The following RORC variants were observed in gnomAD, a reference collection of about 807,000 sequenced individuals.
RORC encodes the protein nuclear receptor ROR-gamma.
In RORC, 13 loss-of-function variants were observed where a neutral mutation model predicts 64.5. That is an observed-to-expected ratio of 0.20 (90% CI 0.13 to 0.32). The LOEUF (loss-of-function observed/expected upper bound fraction) is 0.32, where lower values mean the gene tolerates loss of function less well. RORC is among the 10% of genes least tolerant of loss of function. The probability of loss-of-function intolerance (pLI) is 1.00; values close to 1 mark genes in which losing one functional copy is unlikely to be tolerated. For missense variants in RORC, 468 were observed against 669.5 expected (o/e 0.70, Z 3.32); for synonymous variants, 277 against 259.3 (o/e 1.07, Z -0.65).
intron 6 of RORC, chr1:151,813,876 C>A: frequency 2.1e-6 from 1 of 482,436 alleles, no homozygotes; most frequent in Non-Finnish European, 3.8e-6. Flanking sequence ...TACAGCTTTG[C>A]CCTCCAACAA....
chr1:151,816,778 T>G lies in RORC; in HGVS notation c.184A>C (p.Asn62His), dbSNP rs1651769581. Residue 62 changes from asparagine to histidine, a missense_variant, in exon 4 of 11, where the codon AAC becomes CAC. Around this residue, in one of 5 missense-constraint regions of RORC, gnomAD observed 241 missense variants for 295.5 expected, o/e 0.82. Coordinates refer to ENST00000318247, the MANE Select transcript of RORC (RefSeq NM_005060.4). ...TGACGGGTGCAGGAGTAGGCCGCGT[T>G]ACAGCGCTGGCTCCGGCGGAAGAAG... ...KGFFRRSQRC[N>H]AAYSCTRQQN... The G allele has an allele frequency of 6.4e-7, 1 of 1,564,580 alleles. No individual in the cohort carries two copies. The highest frequency in any genetic ancestry group is 8.7e-7 in the Non-Finnish European group (1 of 1,150,972).
Position 151,812,310 on chromosome 1 carries a change from C to T in RORC, c.1285+637G>A, listed in dbSNP as rs535574575. On this transcript the variant is annotated intron_variant, in intron 9 of 10. Coordinates refer to ENST00000318247, the MANE Select transcript of RORC (RefSeq NM_005060.4). ...ATACTTTGAATACCCATGCAACCAT[C>T]CTGCTGTTCACTTTTAGAACCATAT... is the stretch of plus-strand genomic sequence containing the variant. 2.0e-5 allele frequency: 3 copies of T among 152,332 alleles called. No homozygotes were observed. In the South Asian group the frequency reaches 6.2e-4, roughly 32 times the overall value. The allele number at this position is 152,332 out of a possible 1,614,324, so 9.4% of individuals were successfully genotyped here. A position where few individuals can be genotyped will look rare whatever the true frequency, so the allele number is the denominator to read the frequency against.
At chr1:151,810,741 C>G (rs993227000) in intron 10 of RORC, among the ~76,000 whole-genome samples, 2 of 152,164 alleles carry the variant, frequency 1.3e-5, no homozygotes, top group African/African-American at 4.8e-5. Flanking sequence ...CCATGTTAGT[C>G]AGGCTGGTCT....
intron 10 of RORC, among the ~76,000 whole-genome samples, chr1:151,810,533 A>ATTTTTT (rs5777785): frequency 4.2e-5 from 6 of 142,078 alleles, no homozygotes; most frequent in African/African-American, 5.2e-5. Flanking sequence ...CTACAAGGAG[A>ATTTTTT]TTTTTTTTTT....
intron 2 of RORC, among the ~76,000 whole-genome samples, chr1:151,817,990 CT>C (rs1255364595): frequency 6.6e-6 from 1 of 152,240 alleles, no homozygotes; most frequent in East Asian, 1.9e-4. Context: ...AGTGTGAACA[CT>C]TATGTTTGTA....
At chr1:151,813,933 C>G (rs1651642150) in intron 6 of RORC, 1 of 296,620 alleles carries the variant, frequency 3.4e-6, no homozygotes, top group East Asian at 6.7e-5. Flanking sequence ...CCCCTTCCCC[C>G]ACAAAGGTTA....
chr1:151,830,823 T>G lies in RORC; in HGVS notation c.40+902A>C. On this transcript the variant is annotated intron_variant, in intron 1 of 10. Transcript: ENST00000318247. The surrounding 1 kb of genome is among the most constrained non-coding windows in gnomAD (Gnocchi z 4.0). ...CCCAGCCCCGCCCACCTCCCCTTGC[T>G]CCTGCCTGGCCCCACCCAGCTTCCT... 5.4e-6 allele frequency: 2 copies of G among 371,206 alleles called. No individual in the cohort carries two copies. The highest frequency in any genetic ancestry group is 9.3e-6 in the Non-Finnish European group (2 of 214,404). 23.0% of individuals were successfully genotyped at this position (371,206 alleles called of 1,614,324 possible).
intron 5 of RORC, 81 bp from the exon 6 acceptor site, chr1:151,814,776 C>A: frequency 6.4e-7 from 1 of 1,553,972 alleles, no homozygotes; most frequent in Non-Finnish European, 8.7e-7. Context: ...TCAGCCTGGC[C>A]TATCCTGCTC....
At chr1:151,812,809 G>T in intron 9 of RORC, 138 bp downstream of exon 9, 1 of 592,316 alleles carries the variant, frequency 1.7e-6, no homozygotes, top group South Asian at 2.1e-5. Flanking sequence ...TTATTTTATA[G>T]CAATACTGAG....
intron 10 of RORC, among the ~76,000 whole-genome samples, chr1:151,811,103 C>G (rs1283340674): frequency 6.6e-6 from 1 of 152,146 alleles, no homozygotes; most frequent in Non-Finnish European, 1.5e-5. Flanking sequence ...GAATTGTTCC[C>G]TGGAGGTCCC....
At position 151,815,255 on chromosome 1, in the gene RORC, G is replaced by T. The variant is rs1651713678; in HGVS notation, c.469C>A (p.Gln157Lys). 3 of 1,609,966 alleles carry T rather than the reference G, an allele frequency of 1.9e-6. No individual in the cohort carries two copies. The highest frequency in any genetic ancestry group is 2.5e-6 in the Non-Finnish European group (3 of 1,177,156). ...LTYTLGLPDG[Q>K]LPLGSSPDLP... ...TCAGGCGAGGAGCCCAGGGGCAGCT[G>T]CCCGTCTGGGAGCCCCAAGGTGTAG... Residue 157 changes from glutamine (Q) to lysine (K), a missense_variant, in exon 5 of 11, where the codon CAG becomes AAG. Transcript: ENST00000318247.
Position 151,829,460 on chromosome 1 carries a change from T to C in RORC, c.41-2A>G. 1 of 1,530,636 alleles carries C rather than the reference T, an allele frequency of 6.5e-7. No homozygotes were observed. The highest frequency in any genetic ancestry group is 1.3e-5 in the South Asian group (1 of 77,890). The allele number at this position is 1,530,636 out of a possible 1,614,324, so 94.8% of individuals were successfully genotyped here. On this transcript the variant is annotated splice_acceptor_variant, in intron 1 of 10. Coordinates refer to ENST00000318247, the MANE Select transcript of RORC (RefSeq NM_005060.4). LOFTEE classifies it high-confidence loss of function. Reference sequence around the variant, plus strand: ...GGGTCTTCTTTGCAGCCAGCAGCTCTGTAAAGACAAGAGAGGGGGTTGACG... The same window carrying C: ...GGGTCTTCTTTGCAGCCAGCAGCTCCGTAAAGACAAGAGAGGGGGTTGACG...
At chr1:151,809,686 TCTC>T (rs796594049) in intron 10 of RORC, among the ~76,000 whole-genome samples, 5 of 152,332 alleles carry the variant, frequency 3.3e-5, no homozygotes, top group African/African-American at 1.2e-4. Flanking sequence ...GATTCCTGTC[TCTC>T]CTCCTTCAAA....
At chr1:151,829,524 C>T (rs1652328355) in intron 1 of RORC, 66 bp from the exon 2 acceptor site, 1 of 1,385,790 alleles carries the variant, frequency 7.2e-7, no homozygotes. Flanking sequence ...GACACTTTCC[C>T]CACTCCTAGG....
At chr1:151,827,169 C>T (rs1041558078) in intron 2 of RORC, among the ~76,000 whole-genome samples, 6 of 152,130 alleles carry the variant, frequency 3.9e-5, no homozygotes, top group African/African-American at 9.7e-5. Flanking sequence ...ATCCTCATTT[C>T]GAGGAGGAAA....
rs779639905 is a variant in RORC at position 151,812,903 on chromosome 1, C to T, written c.1285+44G>A. On this transcript the variant is annotated intron_variant, in intron 9 of 10. Transcript: ENST00000318247. ...GACTCTTCTTCAATATCTGCCATGCCCCTGCCACCTGAATGTCCTTCACCC... is the reference window on the plus strand; with the variant it reads ...GACTCTTCTTCAATATCTGCCATGCTCCTGCCACCTGAATGTCCTTCACCC... The T allele has an allele frequency of 3.9e-6, 5 of 1,274,700 alleles. No homozygotes were observed. The Admixed American group carries it at 5.2e-5, about 13-fold the overall frequency. 79.0% of individuals were successfully genotyped at this position (1,274,700 alleles called of 1,614,324 possible).
intron 2 of RORC, chr1:151,825,954 G>T (rs762870971): frequency 1.5e-5 from 25 of 1,613,004 alleles, no homozygotes; most frequent in Admixed American, 8.3e-5. Flanking sequence ...CCTTGGCTCT[G>T]CCGGCCTTGG....
Position 151,807,987 on chromosome 1 carries a change from A to C in RORC, c.1396-354T>G, listed in dbSNP as rs893169564. On this transcript the variant is annotated intron_variant, in intron 10 of 10. Transcript: ENST00000318247. The surrounding 1 kb of genome is among the most constrained non-coding windows in gnomAD (Gnocchi z 5.0). ...CTGTCACATGCCTCTGCCTTTGTGC[A>C]TGTTGTTCCCCTCTTCCCATTACTA... is the stretch of plus-strand genomic sequence containing the variant. Among the ~76,000 whole-genome samples the C allele has an allele frequency of 6.6e-6, 1 of 152,122 alleles. No homozygotes were observed. The highest frequency in any genetic ancestry group is 6.5e-5 in the Admixed American group (1 of 15,276).
chr1:151,823,844 T>G (rs7551161), intron 2 of RORC, among the ~76,000 whole-genome samples: 8 of 152,122 alleles, frequency 5.3e-5, no homozygotes, highest in African/African-American at 1.9e-4. Context: ...AGCGGCTCAC[T>G]TTGTTGCCCA....
Sources: gnomAD v4.1 joint callset for allele counts (sites outside exome capture counted in the v4.1 genomes callset) on GRCh38, gnomAD v4.1.1 for gene constraint, gnomAD v4.1.1 regional missense constraint, Gnocchi (gnomAD v3.1) non-coding constraint, MANE v1.5 for transcripts, NCBI Gene and HGNC (gene_info 2026-07-23, HGNC 2026-07-21) for gene names.